ABCC1: variants seen among roughly 807,000 people sequenced by gnomAD.
ABCC1 encodes multidrug resistance-associated protein 1.
A neutral mutation model predicts 172.9 loss-of-function variants in ABCC1; 83 were observed. That is an observed-to-expected ratio of 0.48 (90% confidence interval 0.40 to 0.58). The LOEUF is 0.58. Ranked by LOEUF, ABCC1 falls within the 20% of genes least tolerant of loss-of-function variation. ABCC1 has a pLI of 0.00. For synonymous variants in ABCC1, 937 were observed against 825.2 expected (o/e 1.14, Z -2.32); for missense variants, 1,817 against 2,002.7 (o/e 0.91, Z 1.77).
intron 16 of ABCC1, among the ~76,000 whole-genome samples, chr16:16,080,671 GCCCCCT>G (rs2050771572): frequency 6.6e-6 from 1 of 152,150 alleles, no homozygotes; most frequent in Non-Finnish European, 1.5e-5. Flanking sequence ...GCATACTCCA[GCCCCCT>G]CCCTCTTGGA....
At position 16,124,805 on chromosome 16, in the gene ABCC1, C is replaced by G. The variant is rs1252441150; in HGVS notation, c.3607C>G (p.Leu1203Val). 4 of 1,614,006 alleles carry G rather than the reference C, an allele frequency of 2.5e-6. No homozygotes were observed. The Admixed American group carries it at 5.0e-5, about 20-fold the overall frequency. Reference protein sequence around the residue: ...IVANRWLAVRLECVGNCIVLF... With the variant: ...IVANRWLAVRVECVGNCIVLF... The stretch of plus-strand genomic sequence containing the variant: ...TTGGCGCAGGTGGCTGGCCGTGCGG[C>G]TGGAGTGTGTGGGCAACTGCATCGT... The change falls in exon 25 of 31, where the codon CTG becomes GTG. Residue 1203 changes from leucine (L) to valine (V), a missense_variant. Physicochemically the swap from Leu to Val is conservative, Grantham distance 32 (BLOSUM62 1). Coordinates refer to ENST00000399410, the MANE Select transcript of ABCC1 (RefSeq NM_004996.4).
At chr16:16,034,510 G>C (rs1374896352) in intron 6 of ABCC1, among the ~76,000 whole-genome samples, 1 of 151,472 alleles carries the variant, frequency 6.6e-6, no homozygotes, top group African/African-American at 2.4e-5. Flanking sequence ...TTACATAAGA[G>C]CATGTCCTGG....
chr16:16,106,547 A>G (rs2052118940), intron 20 of ABCC1, 191 bp from the exon 21 acceptor site: 1 of 581,692 alleles, frequency 1.7e-6, no homozygotes, highest in Non-Finnish European at 2.9e-6. Context: ...TTCTCTGGGT[A>G]CCTATAAACC....
At position 16,044,500 on chromosome 16, in the gene ABCC1, A is replaced by G; in HGVS notation, c.860A>G (p.Glu287Gly). 2 of 1,614,194 alleles carry G rather than the reference A, an allele frequency of 1.2e-6. No individual in the cohort carries two copies. The highest frequency in any genetic ancestry group is 1.7e-6 in the Non-Finnish European group (2 of 1,180,032). Residue 287 changes from glutamate to glycine, a missense_variant, in exon 8 of 31, where the codon GAG (glutamate) becomes GGG (glycine). Around this residue, in one of 3 missense-constraint regions of ABCC1, gnomAD observed 398 missense variants for 384.2 expected, o/e 1.04. Coordinates refer to ENST00000399410, the MANE Select transcript of ABCC1 (RefSeq NM_004996.4). ...TCCAAGGATCCTGCCCAGCCGAAAG[A>G]GAGTTCCAAGGTGGATGCGAATGAG... ...YSSKDPAQPK[E>G]SSKVDANEEV...
intron 5 of ABCC1, among the ~76,000 whole-genome samples, chr16:16,026,343 A>G (rs1261182419): frequency 6.8e-6 from 1 of 147,274 alleles, no homozygotes; most frequent in Non-Finnish European, 1.5e-5. Context: ...ATGAGGCAGG[A>G]GAACTGTTTC....
chr16:15,999,175 T>C (rs533652024), intron 1 of ABCC1, among the ~76,000 whole-genome samples: 1 of 152,086 alleles, frequency 6.6e-6, no homozygotes, highest in African/African-American at 2.4e-5. Flanking sequence ...TAATTTGTTT[T>C]TTAATATTTT....
chr16:16,086,778 C>G, intron 17 of ABCC1, 46 bp from the exon 18 acceptor site: 1 of 1,601,898 alleles, frequency 6.2e-7, no homozygotes, highest in South Asian at 1.1e-5. Flanking sequence ...TATTGTGAGT[C>G]TCAAGATTTC....
intron 5 of ABCC1, among the ~76,000 whole-genome samples, chr16:16,028,310 C>T (rs1392248707): frequency 6.6e-6 from 1 of 152,156 alleles, no homozygotes; most frequent in East Asian, 1.9e-4. Flanking sequence ...CCATCTTCCC[C>T]AGGGCAGGAG....
At chr16:15,965,344 T>C (rs569134652) in intron 1 of ABCC1, among the ~76,000 whole-genome samples, 1 of 152,064 alleles carries the variant, frequency 6.6e-6, no homozygotes, top group Non-Finnish European at 1.5e-5. Context: ...CAGGCTGAAG[T>C]GCAGTGGTGC....
chr16:16,103,727 A>C (rs1220773204), intron 20 of ABCC1, among the ~76,000 whole-genome samples: 2 of 152,188 alleles, frequency 1.3e-5, no homozygotes, highest in Non-Finnish European at 2.9e-5. Flanking sequence ...GTCAGGAGAG[A>C]GCAAAGACCA....
intron 1 of ABCC1, among the ~76,000 whole-genome samples, chr16:15,956,367 A>G (rs1228835697): frequency 6.6e-6 from 1 of 152,036 alleles, no homozygotes; most frequent in African/African-American, 2.4e-5. Context: ...TCTGTCTAAA[A>G]AAAAAAAAAC....
At chr16:16,137,640 G>GC (rs986539554) in intron 29 of ABCC1, among the ~76,000 whole-genome samples, 3 of 118,828 alleles carry the variant, frequency 2.5e-5, no homozygotes, top group Non-Finnish European at 3.3e-5. Flanking sequence ...TGCAACCTCC[G>GC]CCCCCAGGCT....
chr16:15,969,903 C>T (rs946028674), intron 1 of ABCC1, among the ~76,000 whole-genome samples: 9 of 152,018 alleles, frequency 5.9e-5, no homozygotes, highest in Admixed American at 3.3e-4. Flanking sequence ...GGGAATCGAG[C>T]GGTATACAGA....
At chr16:16,081,809 C>T (rs918800877) in intron 16 of ABCC1, among the ~76,000 whole-genome samples, 1 of 152,086 alleles carries the variant, frequency 6.6e-6, no homozygotes, top group Non-Finnish European at 1.5e-5. Context: ...CACCTGAGGT[C>T]AGGAGTTTGA....
intron 1 of ABCC1, among the ~76,000 whole-genome samples, chr16:15,967,968 G>A (rs1411830008): frequency 6.6e-6 from 1 of 152,056 alleles, no homozygotes; most frequent in African/African-American, 2.4e-5. Context: ...GTTATAAGGG[G>A]TACAGTATAG....
rs1242654489 is a variant in ABCC1, at chr16:16,138,513, T to A, written c.4442T>A (p.Val1481Asp). 2 of 1,561,318 alleles carry A rather than the reference T, an allele frequency of 1.3e-6. No individual in the cohort carries two copies. ...TIRTQFEDCTVLTIAHRLNTI... is the reference protein window; with the variant it reads ...TIRTQFEDCTDLTIAHRLNTI... Reference sequence around the variant, plus strand: ...CGGACACAGTTCGAGGACTGCACCGTCCTCACCATCGCCCACCGGCTCAAC... The same window carrying A: ...CGGACACAGTTCGAGGACTGCACCGACCTCACCATCGCCCACCGGCTCAAC... Residue 1481 changes from valine (V) to aspartate (D), a missense_variant, in exon 30 of 31, where the codon GTC becomes GAC. This residue lies in a region of ABCC1 where 1,412 missense variants were observed against 1,600.3 expected (regional missense o/e 0.88). Transcript: ENST00000399410.
intron 1 of ABCC1, among the ~76,000 whole-genome samples, chr16:16,002,225 G>T (rs2047340512): frequency 2.6e-5 from 4 of 152,050 alleles, no homozygotes; most frequent in Admixed American, 2.6e-4. Flanking sequence ...AAAATCTGTG[G>T]TTAAGAGAAA....
intron 10 of ABCC1, among the ~76,000 whole-genome samples, chr16:16,051,671 G>A (rs1424056277): frequency 6.6e-6 from 1 of 152,110 alleles, no homozygotes; most frequent in African/African-American, 2.4e-5. Context: ...TCCTGGGTTT[G>A]TATTAGGGGC....
chr16:16,042,281 G>T (rs769058788), intron 7 of ABCC1, among the ~76,000 whole-genome samples: 1 of 151,720 alleles, frequency 6.6e-6, no homozygotes, highest in Non-Finnish European at 1.5e-5. Flanking sequence ...TAAAAGGCTG[G>T]TACAGGAATG....
Sources: gnomAD v4.1 joint callset for allele counts (sites outside exome capture counted in the v4.1 genomes callset) on GRCh38, gnomAD v4.1.1 for gene constraint, gnomAD v4.1.1 regional missense constraint, MANE v1.5 for transcripts, NCBI Gene and HGNC (gene_info 2026-07-23, HGNC 2026-07-21) for gene names.